The following ARHGAP26 variants were observed in gnomAD, a reference collection of about 807,000 sequenced individuals.
The protein encoded by ARHGAP26 is rho GTPase-activating protein 26.
In ARHGAP26, 38 loss-of-function variants were observed where a neutral mutation model predicts 104.8. The observed-to-expected ratio is 0.36, with a 90% CI of 0.28 to 0.48. ARHGAP26 has a LOEUF of 0.48. Among genes scored for constraint, ARHGAP26 ranks in the 20% least tolerant of loss-of-function variants. The pLI is 0.99. For synonymous variants in ARHGAP26, 341 were observed against 340.0 expected (o/e 1.00, Z -0.03); for missense variants, 704 against 947.9 (o/e 0.74, Z 3.38).
chr5:143,023,788 C>T (rs137865055), intron 12 of ARHGAP26, among the ~76,000 whole-genome samples: 16 of 152,362 alleles, frequency 1.1e-4, no homozygotes, highest in African/African-American at 3.8e-4. Flanking sequence ...AGCATCCCCT[C>T]CAGCTTTCTC....
intron 11 of ARHGAP26, among the ~76,000 whole-genome samples, chr5:142,993,771 A>G (rs560261946): frequency 1.2e-4 from 18 of 152,206 alleles, no homozygotes; most frequent in African/African-American, 3.9e-4. Context: ...CCTTCCTCCT[A>G]AGTAGCTAGG....
At chr5:143,153,851 C>T (rs978330502) in intron 20 of ARHGAP26, among the ~76,000 whole-genome samples, 3 of 152,224 alleles carry the variant, frequency 2.0e-5, no homozygotes, top group Non-Finnish European at 4.4e-5. Context: ...TGCCAAACGC[C>T]TGCAGATTCT....
chr5:142,873,877 C>T (rs1755694546), intron 2 of ARHGAP26, among the ~76,000 whole-genome samples: 1 of 152,150 alleles, frequency 6.6e-6, no homozygotes, highest in Admixed American at 6.5e-5. Flanking sequence ...AAATAATAGG[C>T]TGAGATGAGA....
chr5:142,877,272 A>G (rs536485906), intron 3 of ARHGAP26, among the ~76,000 whole-genome samples: 1 of 152,276 alleles, frequency 6.6e-6, no homozygotes, highest in Admixed American at 6.5e-5. Context: ...TCAGCAAGCA[A>G]AGCCGCACCT....
At chr5:142,824,321 G>A (rs1307218606) in intron 1 of ARHGAP26, among the ~76,000 whole-genome samples, 1 of 152,150 alleles carries the variant, frequency 6.6e-6, no homozygotes, top group Non-Finnish European at 1.5e-5. Context: ...CAAGAGCTAA[G>A]CATGGAGTAG....
intron 10 of ARHGAP26, among the ~76,000 whole-genome samples, chr5:142,918,712 G>A (rs1159355860): frequency 6.6e-6 from 1 of 152,070 alleles, no homozygotes; most frequent in Non-Finnish European, 1.5e-5. Context: ...ATTACATGGA[G>A]CAAATGTTTC....
intron 1 of ARHGAP26, among the ~76,000 whole-genome samples, chr5:142,775,182 C>T (rs954345764): frequency 1.3e-5 from 2 of 151,654 alleles, no homozygotes; most frequent in African/African-American, 4.8e-5. Flanking sequence ...ACTGTCAAAC[C>T]GGCTTTCAAA....
intron 17 of ARHGAP26, among the ~76,000 whole-genome samples, chr5:143,110,249 A>G (rs962664769): frequency 1.3e-5 from 2 of 152,358 alleles, no homozygotes; most frequent in Middle Eastern, 3.4e-3. Context: ...CTCCAAAAGA[A>G]TGTAAGCTTC....
chr5:142,938,189 A>G (rs80071036), intron 11 of ARHGAP26, among the ~76,000 whole-genome samples: 5,852 of 152,166 alleles, frequency 0.038, 122 homozygotes, highest in Middle Eastern at 0.058. Flanking sequence ...TGGGGGGGGA[A>G]GTAGGGCAAA....
chr5:142,984,539 G>T (rs74882417), intron 11 of ARHGAP26, among the ~76,000 whole-genome samples: 3,552 of 152,218 alleles, frequency 0.023, 59 homozygotes, highest in Middle Eastern at 0.051. Context: ...ACAGATCTGT[G>T]CATTCATCTC....
At chr5:143,126,730 A>C (rs1419113790) in intron 18 of ARHGAP26, among the ~76,000 whole-genome samples, 1 of 152,160 alleles carries the variant, frequency 6.6e-6, no homozygotes, top group Non-Finnish European at 1.5e-5. Context: ...TTATATGAGA[A>C]CTAAAGAGTA....
At chr5:142,811,151 G>C (rs1051673853) in intron 1 of ARHGAP26, among the ~76,000 whole-genome samples, 1 of 152,178 alleles carries the variant, frequency 6.6e-6, no homozygotes, top group Non-Finnish European at 1.5e-5. Context: ...CTACCTCCTG[G>C]GGTTATTGTT....
At chr5:142,944,931 C>T (rs1289760247) in intron 11 of ARHGAP26, among the ~76,000 whole-genome samples, 2 of 152,114 alleles carry the variant, frequency 1.3e-5, no homozygotes, top group African/African-American at 4.8e-5. Context: ...CAGCGCCGCC[C>T]CCTCCCCAAC....
intron 17 of ARHGAP26, among the ~76,000 whole-genome samples, chr5:143,099,662 TC>T (rs1385796640): frequency 6.6e-6 from 1 of 152,180 alleles, no homozygotes; most frequent in Non-Finnish European, 1.5e-5. Context: ...ATTTAGGATT[TC>T]CATAAGTGAA....
chr5:142,894,085 G>C (rs183679480), intron 5 of ARHGAP26, among the ~76,000 whole-genome samples, 153 bp from the exon 6 acceptor site: 86 of 151,900 alleles, frequency 5.7e-4, no homozygotes, highest in Non-Finnish European at 1.1e-3. Flanking sequence ...TTTGCATAGT[G>C]AAATAGTTAC....
chr5:143,168,543 C>T (rs780347855), intron 20 of ARHGAP26: 17 of 133,560 alleles, frequency 1.3e-4, no homozygotes, highest in Non-Finnish European at 2.3e-4. Flanking sequence ...TTACGACATT[C>T]TGCATCATCC....
intron 17 of ARHGAP26, among the ~76,000 whole-genome samples, chr5:143,074,458 G>C (rs555294103): frequency 6.6e-6 from 1 of 152,116 alleles, no homozygotes; most frequent in Non-Finnish European, 1.5e-5. Flanking sequence ...GCTGGTTCTT[G>C]TATGACCTAT....
chr5:143,119,996 G>A (rs544118998), intron 17 of ARHGAP26, among the ~76,000 whole-genome samples: 3 of 152,260 alleles, frequency 2.0e-5, no homozygotes, highest in East Asian at 3.9e-4. Context: ...TGCTAGGGAG[G>A]TAGGTCTGTG....
intron 11 of ARHGAP26, among the ~76,000 whole-genome samples, chr5:142,974,377 G>A (rs917477658): frequency 3.9e-5 from 6 of 152,020 alleles, no homozygotes; most frequent in Non-Finnish European, 7.4e-5. Context: ...ACCCTGGCAG[G>A]ATGATGCCTA....
Sources: gnomAD v4.1 joint callset for allele counts (sites outside exome capture counted in the v4.1 genomes callset) on GRCh38, gnomAD v4.1.1 for gene constraint, MANE v1.5 for transcripts, NCBI Gene and HGNC (gene_info 2026-07-23, HGNC 2026-07-21) for gene names.